SHANK2: variants seen among roughly 807,000 people sequenced by gnomAD.
The protein encoded by SHANK2 is SH3 and multiple ankyrin repeat domains protein 2.
SHANK2 carries 43 observed loss-of-function variants against 133.7 expected under a neutral mutation model. That is an observed-to-expected ratio of 0.32 (90% confidence interval 0.25 to 0.41). SHANK2 has a LOEUF of 0.41. Among genes scored for constraint, SHANK2 ranks in the 10% least tolerant of loss-of-function variants. The pLI is 1.00. For missense variants in SHANK2, 1,994 were observed against 2,235.8 expected (o/e 0.89, Z 2.18); for synonymous variants, 1,017 against 952.8 (o/e 1.07, Z -1.24).
At chr11:70,771,424 T>G (rs1435567879) in intron 14 of SHANK2, among the ~76,000 whole-genome samples, 1 of 152,160 alleles carries the variant, frequency 6.6e-6, no homozygotes, top group Non-Finnish European at 1.5e-5. Flanking sequence ...CAGTGGCATC[T>G]GGATGGAGAT....
Position 71,104,535 on chromosome 11 carries a change from C to T in SHANK2, c.592+5406G>A, listed in dbSNP as rs577921228. 1.2e-4 allele frequency among the ~76,000 whole-genome samples: 19 copies of T among 152,352 alleles called. No individual in the cohort carries two copies. In the East Asian group the frequency reaches 1.3e-3, roughly 11 times the overall value. Reference sequence around the variant, plus strand: ...CTGGCAGCACTGGGCTCTGGCCTCTCGTTGGAACTTGCGTTTAGCTTGTCC... The same window carrying T: ...CTGGCAGCACTGGGCTCTGGCCTCTTGTTGGAACTTGCGTTTAGCTTGTCC... On this transcript the variant is annotated intron_variant, in intron 6 of 25. Transcript: ENST00000601538.
chr11:70,898,748 G>A (rs180824386), intron 10 of SHANK2, among the ~76,000 whole-genome samples: 15 of 152,322 alleles, frequency 9.8e-5, no homozygotes, highest in Admixed American at 9.1e-4. Flanking sequence ...AGGAAGCAGA[G>A]CTTGAAGATT....
intron 11 of SHANK2, among the ~76,000 whole-genome samples, chr11:70,855,570 C>A (rs781945261): frequency 1.3e-5 from 2 of 152,194 alleles, no homozygotes; most frequent in Non-Finnish European, 2.9e-5. Context: ...ATGGTTAGAA[C>A]AAAAGTGAAG....
intron 10 of SHANK2, among the ~76,000 whole-genome samples, chr11:70,923,042 T>C (rs539117076): frequency 5.7e-4 from 86 of 152,122 alleles, no homozygotes; most frequent in African/African-American, 2.0e-3. Context: ...AACACAGAAA[T>C]CCAAACCCAA....
chr11:71,125,208 G>C (rs1386044947), intron 3 of SHANK2, among the ~76,000 whole-genome samples: 1 of 152,078 alleles, frequency 6.6e-6, no homozygotes, highest in Non-Finnish European at 1.5e-5. Context: ...CAAGTGAAAG[G>C]AAGAGTCACA....
At chr11:70,647,944 G>A (rs1159767531) in intron 17 of SHANK2, among the ~76,000 whole-genome samples, 1 of 152,162 alleles carries the variant, frequency 6.6e-6, no homozygotes. Context: ...AACTGAAAAC[G>A]AAAACTGGTA....
chr11:71,218,479 T>A (rs1954464124), intron 2 of SHANK2, among the ~76,000 whole-genome samples: 1 of 152,038 alleles, frequency 6.6e-6, no homozygotes, highest in Non-Finnish European at 1.5e-5. Context: ...GTCAGGCTGG[T>A]CTCAAACTCC....
At chr11:71,157,139 C>CAT (rs201766367) in intron 2 of SHANK2, among the ~76,000 whole-genome samples, 1,842 of 152,224 alleles carry the variant, frequency 0.012, 13 homozygotes, top group Non-Finnish European at 0.015. Context: ...TATACACACA[C>CAT]ATATATATAA....
chr11:70,752,240 T>A (rs1946763292), intron 14 of SHANK2, among the ~76,000 whole-genome samples: 1 of 152,124 alleles, frequency 6.6e-6, no homozygotes, highest in Non-Finnish European at 1.5e-5. Flanking sequence ...AACTAACCAA[T>A]GACATGCAGT....
At chr11:71,109,333 T>C (rs1451241089) in intron 6 of SHANK2, among the ~76,000 whole-genome samples, 1 of 152,146 alleles carries the variant, frequency 6.6e-6, no homozygotes, top group Non-Finnish European at 1.5e-5. Flanking sequence ...GGAGACACTG[T>C]TGGTTGTCAC....
At chr11:70,529,133 TG>T (rs1194144893) in intron 17 of SHANK2, among the ~76,000 whole-genome samples, 1 of 152,096 alleles carries the variant, frequency 6.6e-6, no homozygotes, top group Non-Finnish European at 1.5e-5. Context: ...GGGGAGCCAG[TG>T]GCACACCAGG....
intron 17 of SHANK2, among the ~76,000 whole-genome samples, chr11:70,571,991 G>A (rs144320473): frequency 6.6e-6 from 1 of 152,148 alleles, no homozygotes. Flanking sequence ...TGATGGGATC[G>A]GTAGCCTTAT....
chr11:70,520,905 T>C (rs2135927814), intron 17 of SHANK2, among the ~76,000 whole-genome samples: 1 of 152,320 alleles, frequency 6.6e-6, no homozygotes, highest in Non-Finnish European at 1.5e-5. Context: ...CTCCAGCCTT[T>C]TGTTTTTTGA....
chr11:71,098,361 T>C (rs1394810213), intron 6 of SHANK2, among the ~76,000 whole-genome samples: 1 of 152,052 alleles, frequency 6.6e-6, no homozygotes, highest in Non-Finnish European at 1.5e-5. Flanking sequence ...CCAAGATCAG[T>C]GGGCTGCAAA....
chr11:71,221,643 C>T (rs1414669751), intron 2 of SHANK2, among the ~76,000 whole-genome samples: 1 of 152,226 alleles, frequency 6.6e-6, no homozygotes, highest in Non-Finnish European at 1.5e-5. Flanking sequence ...AGAATTGCAA[C>T]ATTGTCAATT....
intron 6 of SHANK2, among the ~76,000 whole-genome samples, chr11:71,100,885 T>A (rs1031238539): frequency 3.1e-5 from 4 of 130,120 alleles, no homozygotes; most frequent in Non-Finnish European, 4.9e-5. Context: ...AAAAAAAAAA[T>A]CAGTGGTTAT....
chr11:70,843,363 G>A (rs1948944648), intron 11 of SHANK2, among the ~76,000 whole-genome samples: 1 of 151,694 alleles, frequency 6.6e-6, no homozygotes, highest in African/African-American at 2.4e-5. Context: ...CCAGGAGGAG[G>A]AAGGGAAGCA....
At chr11:70,919,121 C>A (rs1362076079) in intron 10 of SHANK2, among the ~76,000 whole-genome samples, 1 of 152,002 alleles carries the variant, frequency 6.6e-6, no homozygotes, top group African/African-American at 2.4e-5. Context: ...CCGTGATCAC[C>A]CCACTATACT....
intron 11 of SHANK2, among the ~76,000 whole-genome samples, chr11:70,874,706 T>A (rs1418780360): frequency 6.7e-6 from 1 of 149,186 alleles, no homozygotes; most frequent in Non-Finnish European, 1.5e-5. Context: ...AAATTCCACC[T>A]TGTAGTTCAC....
Sources: gnomAD v4.1 joint callset for allele counts (sites outside exome capture counted in the v4.1 genomes callset) on GRCh38, gnomAD v4.1.1 for gene constraint, MANE v1.5 for transcripts, NCBI Gene and HGNC (gene_info 2026-07-23, HGNC 2026-07-21) for gene names.